GALNT18: variants seen among roughly 807,000 people sequenced by gnomAD.
GALNT18 encodes the protein GalNAc-transferase 18.
A neutral mutation model predicts 69.5 loss-of-function variants in GALNT18; 44 were observed. The observed-to-expected ratio is 0.63, with a 90% CI of 0.50 to 0.81. The LOEUF (loss-of-function observed/expected upper bound fraction) is 0.81, where lower values mean the gene tolerates loss of function less well. Ranked by LOEUF, GALNT18 falls within the 40% of genes least tolerant of loss-of-function variation. The probability of loss-of-function intolerance (pLI) is 0.00; values close to 1 mark genes in which losing one functional copy is unlikely to be tolerated. For missense variants in GALNT18, 715 were observed against 810.0 expected, an observed-to-expected ratio of 0.88 and a Z score of 1.42; for synonymous variants, 364 against 318.2, an observed-to-expected ratio of 1.14 and a Z score of -1.53.
chr11:11,519,279 C>G (rs1162699703), intron 1 of GALNT18, among the ~76,000 whole-genome samples: 1 of 152,216 alleles, frequency 6.6e-6, no homozygotes, highest in Non-Finnish European at 1.5e-5. Context: ...GGAAAGTCAA[C>G]AGAGGTAGAG....
At chr11:11,329,416 T>A (rs1849980824) in intron 8 of GALNT18, among the ~76,000 whole-genome samples, 1 of 152,112 alleles carries the variant, frequency 6.6e-6, no homozygotes, top group Non-Finnish European at 1.5e-5. Flanking sequence ...TGTGGTGTAG[T>A]AACAAGCTCC....
At chr11:11,374,123 C>G (rs1305993775) in intron 5 of GALNT18, among the ~76,000 whole-genome samples, 3 of 152,284 alleles carry the variant, frequency 2.0e-5, no homozygotes, top group South Asian at 4.2e-4. Context: ...CCCTCACAGA[C>G]CTGCAGGCAT....
At position 11,341,566 on chromosome 11, in the gene GALNT18, A is replaced by G. The variant is rs1157865092; in HGVS notation, c.1093-562T>C. On this transcript the variant is annotated intron_variant, in intron 6 of 10. Coordinates refer to ENST00000227756, the MANE Select transcript of GALNT18 (RefSeq NM_198516.3). This position sits in a 1 kb window ranked among gnomAD's most constrained non-coding sequence, Gnocchi z 6.3. ...GAGGGAGAGCGCTGCAAAGAAGGAA[A>G]TGATATTAAACTTCTTAGCAACCTT... Among the ~76,000 whole-genome samples the G allele has an allele frequency of 6.6e-6, 1 of 152,176 alleles. No homozygotes were observed. The highest frequency in any genetic ancestry group is 1.5e-5 in the Non-Finnish European group (1 of 68,036).
intron 6 of GALNT18, among the ~76,000 whole-genome samples, chr11:11,357,540 G>A (rs1194609832): frequency 2.6e-5 from 4 of 152,128 alleles, no homozygotes; most frequent in African/African-American, 9.7e-5. Flanking sequence ...TCCCCCCAAA[G>A]CCTTCTTATG....
At position 11,471,725 on chromosome 11, in the gene GALNT18, TG is replaced by T. The variant is rs141353432; in HGVS notation, c.236-22790del. On this transcript the variant is annotated intron_variant, in intron 1 of 10. Coordinates refer to ENST00000227756, the MANE Select transcript of GALNT18 (RefSeq NM_198516.3). ...GCTCAGATAAATTTTGTTACCTGCC[TG>T]GGGGTACTCAGCAAGAAAATAAGGT... Among the ~76,000 whole-genome samples the T allele has an allele frequency of 8.7e-3, 1,329 of 152,266 alleles. 20 individuals carry two copies. The highest frequency in any genetic ancestry group is 0.031 in the African/African-American group (1,269 of 41,550).
rs1258181773 is a variant in GALNT18, at chr11:11,583,152, T to A, written c.235+38207A>T. 6.6e-6 allele frequency among the ~76,000 whole-genome samples: 1 copy of A among 152,206 alleles called. No individual in the cohort carries two copies. Among genetic ancestry groups the A allele is most frequent in the East Asian group, 1.9e-4 (1 of 5,198 alleles). ...AGTTACACTCAATTTGTCCCTTTAA[T>A]GAGGTTTTTCCACAGCAGCACAGAA... On this transcript the variant is annotated intron_variant, in intron 1 of 10. Coordinates refer to ENST00000227756, the MANE Select transcript of GALNT18 (RefSeq NM_198516.3). The surrounding 1 kb of genome is among the most constrained non-coding windows in gnomAD (Gnocchi z 4.7).
intron 6 of GALNT18, chr11:11,352,171 C>G: frequency 2.5e-6 from 4 of 1,613,716 alleles, no homozygotes; most frequent in Non-Finnish European, 3.4e-6. Flanking sequence ...TCCATGGCCT[C>G]TCTTGCAGTA....
Position 11,387,450 on chromosome 11 carries a change from AC to A in GALNT18, c.596-8187del, listed in dbSNP as rs1374004804. Among the ~76,000 whole-genome samples the A allele has an allele frequency of 5.3e-5, 8 of 151,600 alleles. No individual in the cohort carries two copies. The highest frequency in any genetic ancestry group is 8.8e-5 in the Non-Finnish European group (6 of 67,912). ...AGGGGAGTGGGAACACCCCACCCAC[AC>A]CCCCACTAATCCACCTCCCACTGAC... On this transcript the variant is annotated intron_variant, in intron 3 of 10. Transcript: ENST00000227756. The surrounding 1 kb of genome is among the most constrained non-coding windows in gnomAD (Gnocchi z 4.6).
chr11:11,429,348 T>C (rs1031117130), intron 3 of GALNT18, among the ~76,000 whole-genome samples: 1 of 152,234 alleles, frequency 6.6e-6, no homozygotes, highest in Non-Finnish European at 1.5e-5. Context: ...CCCTCAGTAT[T>C]CTCTCAAGCT....
At chr11:11,569,133 A>C (rs1858723015) in intron 1 of GALNT18, among the ~76,000 whole-genome samples, 1 of 152,124 alleles carries the variant, frequency 6.6e-6, no homozygotes, top group Admixed American at 6.5e-5. Flanking sequence ...CCCAGTAGTG[A>C]ATGACTGACA....
chr11:11,595,878 C>T lies in GALNT18; in HGVS notation c.235+25481G>A, dbSNP rs559595968. ...TCGTTGAATAGTATTCTTTGATATA[C>T]AAAGTTTTAAATTTGATCAAATCCA... On this transcript the variant is annotated intron_variant, in intron 1 of 10. Transcript: ENST00000227756. This position sits in a 1 kb window ranked among gnomAD's most constrained non-coding sequence, Gnocchi z 5.2. 1.3e-5 allele frequency among the ~76,000 whole-genome samples: 2 copies of T among 152,228 alleles called. No individual in the cohort carries two copies. The highest frequency in any genetic ancestry group is 2.1e-4 in the South Asian group (1 of 4,828).
intron 1 of GALNT18, among the ~76,000 whole-genome samples, chr11:11,456,992 A>C (rs1270210441): frequency 6.6e-6 from 1 of 152,248 alleles, no homozygotes; most frequent in East Asian, 1.9e-4. Context: ...TGAGCAATGA[A>C]TGCAACAAAA....
At chr11:11,321,745 G>C (rs1381080334) in intron 9 of GALNT18, among the ~76,000 whole-genome samples, 1 of 152,240 alleles carries the variant, frequency 6.6e-6, no homozygotes, top group East Asian at 1.9e-4. Context: ...TGGAATTACA[G>C]GTGTGTGCCA....
chr11:11,330,676 T>C (rs1325743931), intron 8 of GALNT18, among the ~76,000 whole-genome samples: 1 of 152,194 alleles, frequency 6.6e-6, no homozygotes, highest in African/African-American at 2.4e-5. Flanking sequence ...CAGATCTAGA[T>C]CACAACCCTG....
In GALNT18 at chr11:11,413,439, T is replaced by A. The variant is rs185804977; in HGVS notation, c.595+19182A>T. Reference sequence around the variant, plus strand: ...GTGATTTTAATCAGGGATTTGATCATCCTACGGACGATTCCTTATTCACGT... The same window carrying A: ...GTGATTTTAATCAGGGATTTGATCAACCTACGGACGATTCCTTATTCACGT... On this transcript the variant is annotated intron_variant, in intron 3 of 10. Transcript: ENST00000227756. This position sits in a 1 kb window ranked among gnomAD's most constrained non-coding sequence, Gnocchi z 4.7. 2.4e-4 allele frequency among the ~76,000 whole-genome samples: 37 copies of A among 152,326 alleles called. No homozygotes were observed. Among genetic ancestry groups the A allele is most frequent in the African/African-American group, 8.2e-4 (34 of 41,586 alleles).
intron 6 of GALNT18, among the ~76,000 whole-genome samples, chr11:11,350,661 G>C (rs1475791559): frequency 1.3e-5 from 2 of 152,194 alleles, no homozygotes; most frequent in African/African-American, 2.4e-5. Context: ...AAATCGATGA[G>C]ATGAGAGAGG....
Position 11,592,571 on chromosome 11 carries a change from A to T in GALNT18, c.235+28788T>A, listed in dbSNP as rs1859384639. The stretch of plus-strand genomic sequence containing the variant: ...GCCCTGGGTCTGGCACAAGCTCAAA[A>T]CAACTTTCAGTTACGAAAAAGGGTA... On this transcript the variant is annotated intron_variant, in intron 1 of 10. Transcript: ENST00000227756. The surrounding 1 kb of genome is among the most constrained non-coding windows in gnomAD (Gnocchi z 5.9). 6.6e-6 allele frequency among the ~76,000 whole-genome samples: 1 copy of T among 152,106 alleles called. No individual in the cohort carries two copies. Among genetic ancestry groups the T allele is most frequent in the South Asian group, 2.1e-4 (1 of 4,828 alleles).
intron 1 of GALNT18, among the ~76,000 whole-genome samples, chr11:11,466,727 G>A (rs1044452884): frequency 1.3e-5 from 2 of 152,212 alleles, no homozygotes; most frequent in African/African-American, 4.8e-5. Context: ...CAGGGGAAAC[G>A]ATGAGGCCAA....
At chr11:11,319,215 C>CT (rs57747667) in intron 9 of GALNT18, among the ~76,000 whole-genome samples, 25,675 of 152,162 alleles carry the variant, frequency 0.17, 2,675 homozygotes, top group Admixed American at 0.32. Flanking sequence ...GCCTTCTTGC[C>CT]CTTCTTACAC....
Sources: allele counts gnomAD v4.1 joint callset (sites outside exome capture counted in the v4.1 genomes callset), GRCh38; gene constraint gnomAD v4.1.1; non-coding constraint Gnocchi (gnomAD v3.1); transcripts MANE v1.5; gene names NCBI Gene and HGNC (gene_info 2026-07-23, HGNC 2026-07-21).